CERK: variants seen among roughly 807,000 people sequenced by gnomAD.
CERK encodes the protein acylsphingosine kinase.
CERK carries 39 observed loss-of-function variants against 63.4 expected under a neutral mutation model. The observed-to-expected ratio is 0.61, with a 90% CI of 0.48 to 0.80. CERK has a LOEUF of 0.80. CERK is among the 30% of genes least tolerant of loss of function. The pLI, the probability that CERK is intolerant of heterozygous loss-of-function variation, is 0.00. For synonymous variants in CERK, 302 were observed against 280.0 expected (o/e 1.08, Z -0.78); for missense variants, 670 against 714.1 (o/e 0.94, Z 0.70).
chr22:46,695,059 CCATCATGGG>C (rs1247578379), intron 9 of CERK, 142 bp downstream of exon 9: 2 of 581,986 alleles, frequency 3.4e-6, no homozygotes, highest in African/African-American at 1.9e-5. Context: ...CACGCCTAGG[CCATCATGGG>C]CATCATAGGC....
At chr22:46,688,255 C>T (rs1216065326) in intron 12 of CERK, among the ~76,000 whole-genome samples, 1 of 152,168 alleles carries the variant, frequency 6.6e-6, no homozygotes, top group East Asian at 1.9e-4. Context: ...CACACACACA[C>T]AAATTATATT....
At chr22:46,713,518 A>C (rs537563137) in intron 3 of CERK, among the ~76,000 whole-genome samples, 257 of 150,234 alleles carry the variant, frequency 1.7e-3, no homozygotes, top group African/African-American at 5.8e-3. Flanking sequence ...CAAAAAAAAA[A>C]AAAAAAAAAA....
At chr22:46,699,226 G>C in intron 8 of CERK, 87 bp downstream of exon 8, 2 of 1,370,014 alleles carry the variant, frequency 1.5e-6, no homozygotes, top group Non-Finnish European at 2.1e-6. Flanking sequence ...CACCTCTGAC[G>C]GTGCTCAGTG....
intron 1 of CERK, among the ~76,000 whole-genome samples, chr22:46,723,864 AC>A (rs1460964826): frequency 6.6e-6 from 1 of 151,952 alleles, no homozygotes; most frequent in African/African-American, 2.4e-5. Context: ...CACCCGGCTA[AC>A]TTTTGTACTT....
intron 6 of CERK, among the ~76,000 whole-genome samples, chr22:46,706,603 G>A (rs1388939626): frequency 1.3e-5 from 2 of 152,092 alleles, no homozygotes; most frequent in Admixed American, 1.3e-4. Flanking sequence ...CTCATCAGGC[G>A]ATATTATGAA....
chr22:46,725,219 G>A (rs759214150), intron 1 of CERK, among the ~76,000 whole-genome samples: 10 of 151,860 alleles, frequency 6.6e-5, no homozygotes, highest in African/African-American at 9.7e-5. Flanking sequence ...CCTAGTCTTC[G>A]ATACTCTCAT....
At chr22:46,721,257 C>G (rs2082890895) in intron 1 of CERK, among the ~76,000 whole-genome samples, 1 of 151,902 alleles carries the variant, frequency 6.6e-6, no homozygotes, top group Non-Finnish European at 1.5e-5. Context: ...GGCAACAGCA[C>G]AAGACCCCAT....
chr22:46,690,412 T>C (rs1176497039), intron 11 of CERK, among the ~76,000 whole-genome samples: 2 of 151,258 alleles, frequency 1.3e-5, no homozygotes, highest in Non-Finnish European at 2.9e-5. Context: ...CACCCACCTT[T>C]CCCGGCGCCC....
chr22:46,733,267 C>A (rs1331327332), intron 1 of CERK, among the ~76,000 whole-genome samples: 4 of 150,360 alleles, frequency 2.7e-5, no homozygotes, highest in African/African-American at 4.9e-5. Flanking sequence ...GCAAATATCA[C>A]CCCCATCATT....
intron 12 of CERK, among the ~76,000 whole-genome samples, chr22:46,688,409 A>G (rs900380043): frequency 2.6e-5 from 4 of 152,246 alleles, no homozygotes; most frequent in Non-Finnish European, 5.9e-5. Context: ...CCCACTTCCC[A>G]AACTTGTCAA....
intron 6 of CERK, among the ~76,000 whole-genome samples, chr22:46,703,171 C>A (rs2082796026): frequency 6.6e-6 from 1 of 152,216 alleles, no homozygotes. Context: ...TTTGCTAATG[C>A]ATCTATACTA....
chr22:46,697,196 G>T (rs529495164), intron 8 of CERK, among the ~76,000 whole-genome samples: 1 of 152,150 alleles, frequency 6.6e-6, no homozygotes, highest in Non-Finnish European at 1.5e-5. Context: ...GGAATTACTC[G>T]ATTTAATTTG....
At position 46,691,750 on chromosome 22, in the gene CERK, C is replaced by T. The variant is rs1169296910; in HGVS notation, c.1154G>A (p.Cys385Tyr). The T allele has an allele frequency of 6.2e-7, 1 of 1,612,182 alleles. No homozygotes were observed. Among genetic ancestry groups the T allele is most frequent in the African/African-American group, 1.3e-5 (1 of 74,910 alleles). ...AEDVEEWQVV[C>Y]GKFLAINATN... ...GGCATTGATGGCCAGAAACTTCCCACAGACGACTTGCCACTCCTCCACGTC... is the reference window on the plus strand; with the variant it reads ...GGCATTGATGGCCAGAAACTTCCCATAGACGACTTGCCACTCCTCCACGTC... The change falls in exon 11 of 13, where the codon TGT becomes TAT. Residue 385 changes from cysteine (C) to tyrosine (Y), a missense_variant. Coordinates refer to ENST00000216264, the MANE Select transcript of CERK (RefSeq NM_022766.6).
intron 1 of CERK, among the ~76,000 whole-genome samples, chr22:46,725,772 T>G (rs1187031236): frequency 6.6e-6 from 1 of 152,212 alleles, no homozygotes; most frequent in Non-Finnish European, 1.5e-5. Context: ...GCCTCCTGGT[T>G]CTCGTGCGGC....
In CERK at chr22:46,688,002, GC is replaced by G. The variant is rs527356389; in HGVS notation, c.1542-797del. On this transcript the variant is annotated intron_variant, in intron 12 of 12. Coordinates refer to ENST00000216264, the MANE Select transcript of CERK (RefSeq NM_022766.6). ...ACCTGAGGTCAGGAGTTTGAGACCAGCCTGGCCAACATGGTGAAACCCCGTC... is the reference window on the plus strand; with the variant it reads ...ACCTGAGGTCAGGAGTTTGAGACCAGCTGGCCAACATGGTGAAACCCCGTC... 1.1e-3 allele frequency among the ~76,000 whole-genome samples: 173 copies of G among 152,250 alleles called. 1 individual carries two copies. Among genetic ancestry groups the G allele is most frequent in the African/African-American group, 3.9e-3 (162 of 41,540 alleles).
chr22:46,688,065 C>T (rs914729089), intron 12 of CERK, among the ~76,000 whole-genome samples: 3 of 152,088 alleles, frequency 2.0e-5, no homozygotes, highest in East Asian at 1.9e-4. Context: ...GGTGTGGTGG[C>T]GGGCGCCTGC....
chr22:46,713,508 C>CAAAAAAAAAAAAAAAAAAAAAAA (rs34168827), intron 3 of CERK, among the ~76,000 whole-genome samples: 1 of 74,292 alleles, frequency 1.3e-5, no homozygotes, highest in Non-Finnish European at 2.6e-5. Context: ...GACTTCATCT[C>CAAAAAAAAAAAAAAAAAAAAAAA]AAAAAAAAAA....
At chr22:46,727,384 A>C (rs1179857527) in intron 1 of CERK, among the ~76,000 whole-genome samples, 6 of 150,950 alleles carry the variant, frequency 4.0e-5, no homozygotes, top group African/African-American at 1.2e-4. Context: ...GGCTCATGCA[A>C]TCCTCCCACC....
intron 1 of CERK, among the ~76,000 whole-genome samples, chr22:46,736,799 A>G (rs556350339): frequency 9.2e-5 from 14 of 152,092 alleles, no homozygotes; most frequent in Non-Finnish European, 1.9e-4. Flanking sequence ...TCCCCACCAG[A>G]ACCCAACCCA....
Sources: allele counts gnomAD v4.1 joint callset (sites outside exome capture counted in the v4.1 genomes callset), GRCh38; gene constraint gnomAD v4.1.1; transcripts MANE v1.5; gene names NCBI Gene and HGNC (gene_info 2026-07-23, HGNC 2026-07-21).